Variants in CLVS2 observed in about 807,000 individuals in gnomAD.
CLVS2 encodes clavesin-2.
A neutral mutation model predicts 29.0 loss-of-function variants in CLVS2; 19 were observed. The observed-to-expected ratio is 0.66, with a 90% CI of 0.46 to 0.96. The LOEUF (loss-of-function observed/expected upper bound fraction) is 0.96. CLVS2 is among the 40% of genes least tolerant of loss of function. The pLI, the probability that CLVS2 is intolerant of heterozygous loss-of-function variation, is 0.00. For synonymous variants in CLVS2, 161 were observed against 151.3 expected, an observed-to-expected ratio of 1.06 and a Z score of -0.47; for missense variants, 294 against 404.1, an observed-to-expected ratio of 0.73 and a Z score of 2.34.
chr6:123,014,381 C>G (rs1254078258), intron 3 of CLVS2, among the ~76,000 whole-genome samples: 1 of 151,900 alleles, frequency 6.6e-6, no homozygotes, highest in East Asian at 1.9e-4. Context: ...TGGCTAGCAC[C>G]ATATACCTTG....
chr6:122,997,583 C>G lies in CLVS2; in HGVS notation c.-195C>G, dbSNP rs1774527322. On this transcript the variant is annotated 5_prime_UTR_variant, in exon 2 of 6. Coordinates refer to ENST00000275162, the MANE Select transcript of CLVS2 (RefSeq NM_001010852.4). ...AGAGGAAGAAGTTTACACCCCCCGG[C>G]CCCCCCAGCTTTGCTGGGGGAAAGC... 2 of 606,778 alleles carry G rather than the reference C, an allele frequency of 3.3e-6. No homozygotes were observed. Among genetic ancestry groups the G allele is most frequent in the South Asian group, 4.3e-5 (2 of 46,650 alleles). 37.6% of individuals were successfully genotyped at this position (606,778 alleles called of 1,614,324 possible).
intron 3 of CLVS2, among the ~76,000 whole-genome samples, chr6:123,040,274 A>C (rs1775209595): frequency 1.3e-5 from 2 of 152,146 alleles, no homozygotes; most frequent in South Asian, 2.1e-4. Context: ...TTTTCCCCAT[A>C]ATAATTCCTC....
At chr6:123,004,007 A>C (rs1562161998) in intron 2 of CLVS2, among the ~76,000 whole-genome samples, 1 of 152,180 alleles carries the variant, frequency 6.6e-6, no homozygotes, top group Non-Finnish European at 1.5e-5. Context: ...GGGAAAGGCA[A>C]ATGTATAAAA....
intron 4 of CLVS2, among the ~76,000 whole-genome samples, chr6:123,050,965 A>G (rs1772601977): frequency 6.6e-6 from 1 of 152,182 alleles, no homozygotes; most frequent in Non-Finnish European, 1.5e-5. Flanking sequence ...GAAGGTATCT[A>G]AACTTTACCA....
rs1772880433 is a variant in CLVS2 at position 123,067,489 on chromosome 6, AAT to A, written c.*3731_*3732del. Reference sequence around the variant, plus strand: ...GGTCTGCCTTGTGTGGTTGGTGAATAATATCTCAGCTTCTTTTTTTGTGTATA... The same window carrying A: ...GGTCTGCCTTGTGTGGTTGGTGAATAATCTCAGCTTCTTTTTTTGTGTATA... On this transcript the variant is annotated 3_prime_UTR_variant, in exon 6 of 6. Coordinates refer to ENST00000275162, the MANE Select transcript of CLVS2 (RefSeq NM_001010852.4). 6.6e-6 allele frequency: 1 copy of A among 151,740 alleles called. No homozygotes were observed. The highest frequency in any genetic ancestry group is 2.1e-4 in the South Asian group (1 of 4,830). 9.4% of individuals were successfully genotyped at this position (151,740 alleles called of 1,614,324 possible). A position where few individuals can be genotyped will look rare whatever the true frequency, so the allele number is the denominator to read the frequency against.
At chr6:123,027,558 G>C (rs1384774798) in intron 3 of CLVS2, among the ~76,000 whole-genome samples, 1 of 152,128 alleles carries the variant, frequency 6.6e-6, no homozygotes, top group Non-Finnish European at 1.5e-5. Context: ...GCCTGCCCCT[G>C]TTCAGTCTCT....
At chr6:123,029,181 T>A (rs1775047049) in intron 3 of CLVS2, among the ~76,000 whole-genome samples, 1 of 152,214 alleles carries the variant, frequency 6.6e-6, no homozygotes, top group Admixed American at 6.5e-5. Flanking sequence ...ATATTCTTGT[T>A]ATAATTTTTC....
chr6:123,038,877 T>A (rs1386265959), intron 3 of CLVS2, among the ~76,000 whole-genome samples: 1 of 152,136 alleles, frequency 6.6e-6, no homozygotes, highest in Non-Finnish European at 1.5e-5. Flanking sequence ...GCACAAAACA[T>A]TTTGCCCAAA....
chr6:123,059,969 A>G (rs1208230614), intron 5 of CLVS2, among the ~76,000 whole-genome samples: 4 of 152,178 alleles, frequency 2.6e-5, no homozygotes, highest in Non-Finnish European at 5.9e-5. Context: ...ATCATATGAA[A>G]CATTTATGAT....
chr6:123,060,956 A>C (rs1014482857), intron 5 of CLVS2, among the ~76,000 whole-genome samples: 15 of 152,228 alleles, frequency 9.9e-5, no homozygotes, highest in Non-Finnish European at 1.8e-4. Context: ...ACTAGTTTTC[A>C]AGAAAGAAAG....
intron 3 of CLVS2, among the ~76,000 whole-genome samples, chr6:123,013,308 A>G (rs1774779322): frequency 6.6e-6 from 1 of 152,062 alleles, no homozygotes; most frequent in Non-Finnish European, 1.5e-5. Context: ...TAGGTTGCTA[A>G]ACACAGCCAC....
chr6:123,039,565 A>G (rs1036061156), intron 3 of CLVS2, among the ~76,000 whole-genome samples: 2 of 152,122 alleles, frequency 1.3e-5, no homozygotes, highest in Admixed American at 6.5e-5. Context: ...TTTGTGTCAC[A>G]TTCTCTAGGC....
chr6:123,038,807 T>C (rs1194518990), intron 3 of CLVS2, among the ~76,000 whole-genome samples: 1 of 152,164 alleles, frequency 6.6e-6, no homozygotes, highest in Non-Finnish European at 1.5e-5. Context: ...TTGAAGTAAA[T>C]TTAAATTGAT....
intron 2 of CLVS2, among the ~76,000 whole-genome samples, chr6:122,999,330 A>G (rs1774556568): frequency 6.6e-6 from 1 of 152,038 alleles, no homozygotes; most frequent in African/African-American, 2.4e-5. Context: ...ATTTTTAATT[A>G]TTTTTTCTCT....
intron 3 of CLVS2, among the ~76,000 whole-genome samples, chr6:123,045,431 C>T (rs761651526): frequency 4.6e-5 from 7 of 151,964 alleles, no homozygotes; most frequent in African/African-American, 7.3e-5. Flanking sequence ...ACTGCTGTCC[C>T]GGAGGCCTCT....
intron 3 of CLVS2, among the ~76,000 whole-genome samples, chr6:123,029,665 TTTTG>T (rs906408639): frequency 3.9e-5 from 6 of 152,108 alleles, no homozygotes; most frequent in African/African-American, 7.2e-5. Flanking sequence ...TGTTTGTTTG[TTTTG>T]TTTGTTTGTT....
intron 3 of CLVS2, 143 bp from the exon 4 acceptor site, chr6:123,048,479 G>C: frequency 1.8e-6 from 1 of 570,050 alleles, no homozygotes; most frequent in Admixed American, 3.3e-5. Flanking sequence ...AACGTGGTAA[G>C]GTTCTTCTTT....
At chr6:123,050,096 T>C (rs1772582509) in intron 4 of CLVS2, among the ~76,000 whole-genome samples, 1 of 152,214 alleles carries the variant, frequency 6.6e-6, no homozygotes, top group Admixed American at 6.5e-5. Context: ...ATGAATTTGT[T>C]GACAATGTTT....
chr6:123,008,791 G>GCC (rs1019167828), intron 2 of CLVS2, among the ~76,000 whole-genome samples: 2 of 151,842 alleles, frequency 1.3e-5, no homozygotes, highest in African/African-American at 4.8e-5. Context: ...AGTGTGTCAG[G>GCC]CCATTATGTT....
Sources: allele counts gnomAD v4.1 joint callset (sites outside exome capture counted in the v4.1 genomes callset), GRCh38; gene constraint gnomAD v4.1.1; transcripts MANE v1.5; gene names NCBI Gene and HGNC (gene_info 2026-07-23, HGNC 2026-07-21).